RDH8: variants seen among roughly 807,000 people sequenced by gnomAD.
RDH8 encodes the protein photoreceptor outer segment all-trans retinol dehydrogenase.
Under a neutral mutation model 22.3 loss-of-function variants are expected in RDH8, and 14 were observed. That is an observed-to-expected ratio of 0.63 (90% CI 0.42 to 0.98). The LOEUF is 0.98. Ranked by LOEUF, RDH8 falls within the 50% of genes least tolerant of loss-of-function variation. The probability of loss-of-function intolerance (pLI) is 0.00; values close to 1 mark genes in which losing one functional copy is unlikely to be tolerated. For missense variants in RDH8, 389 were observed against 409.8 expected, an observed-to-expected ratio of 0.95 and a Z score of 0.44; for synonymous variants, 175 against 171.7, an observed-to-expected ratio of 1.02 and a Z score of -0.15.
intron 1 of RDH8, among the ~76,000 whole-genome samples, chr19:10,014,993 C>T (rs551740093): frequency 2.4e-4 from 36 of 152,288 alleles, no homozygotes; most frequent in Admixed American, 1.0e-3. Flanking sequence ...TGCAAGTGAC[C>T]CCATTCACGT....
intron 3 of RDH8, among the ~76,000 whole-genome samples, chr19:10,020,398 C>T (rs1292362884): frequency 1.4e-5 from 2 of 147,344 alleles, no homozygotes; most frequent in Non-Finnish European, 3.0e-5. Context: ...GACAAGGGCC[C>T]TAATGAAGAG....
intron 1 of RDH8, among the ~76,000 whole-genome samples, chr19:10,016,796 C>T (rs2087621327): frequency 6.6e-6 from 1 of 152,102 alleles, no homozygotes. Context: ...CATGCCATAG[C>T]CTCAGCACCT....
chr19:10,018,691 T>G (rs2087637227), intron 2 of RDH8, 40 bp from the exon 3 acceptor site: 20 of 1,500,776 alleles, frequency 1.3e-5, no homozygotes, highest in Non-Finnish European at 1.7e-5. Context: ...GCTAGAAGAG[T>G]GAGGGACTTT....
At chr19:10,019,205 C>T (rs1003096895) in intron 3 of RDH8, among the ~76,000 whole-genome samples, 3 of 151,336 alleles carry the variant, frequency 2.0e-5, no homozygotes, top group Admixed American at 6.6e-5. Flanking sequence ...GGCTGAGGCA[C>T]GAGAATTCCT....
intron 1 of RDH8, 89 bp from the exon 2 acceptor site, chr19:10,016,968 A>C: frequency 7.5e-7 from 1 of 1,340,010 alleles, no homozygotes; most frequent in Non-Finnish European, 9.8e-7. Context: ...TCTCTCTGTG[A>C]CTTGTAACGC....
intron 1 of RDH8, among the ~76,000 whole-genome samples, chr19:10,014,196 G>A (rs1421048548): frequency 6.6e-6 from 1 of 152,196 alleles, no homozygotes; most frequent in Admixed American, 6.5e-5. Context: ...TGACCCAGAG[G>A]GAGCATGCTG....
intron 3 of RDH8, among the ~76,000 whole-genome samples, 171 bp downstream of exon 3, chr19:10,019,081 G>A (rs567246756): frequency 1.3e-5 from 2 of 152,132 alleles, no homozygotes; most frequent in East Asian, 3.9e-4. Flanking sequence ...TGGATTGCCT[G>A]AGCTCAGGAG....
intron 1 of RDH8, 151 bp downstream of exon 1, chr19:10,013,751 C>A (rs1178470289): frequency 1.4e-5 from 11 of 794,244 alleles, no homozygotes; most frequent in Non-Finnish European, 2.0e-5. Context: ...AGAAATATTT[C>A]TTGAGCATCT....
rs373919082 is a variant in RDH8 at position 10,020,809 on chromosome 19, C to A, written c.536+7C>A. On this transcript the variant is annotated splice_region_variant and intron_variant, in intron 4 of 5. Transcript: ENST00000591589. ...TGCTGCAGTTCAACATCTTGTGAGG[C>A]GGGCACGTGGGCAGAGGGGGCTTGG... 1.2e-6 allele frequency: 2 copies of A among 1,600,452 alleles called. No homozygotes were observed. The highest frequency in any genetic ancestry group is 1.7e-5 in the Admixed American group (1 of 59,210).
At chr19:10,013,788 C>T (rs1019289097) in intron 1 of RDH8, among the ~76,000 whole-genome samples, 188 bp downstream of exon 1, 1 of 152,250 alleles carries the variant, frequency 6.6e-6, no homozygotes, top group Non-Finnish European at 1.5e-5. Flanking sequence ...GCTGGCAACA[C>T]AACTGGAGAT....
chr19:10,021,690 A>G lies in RDH8; in HGVS notation c.877A>G (p.Asn293Asp). The G allele has an allele frequency of 2.5e-6, 4 of 1,614,012 alleles. 1 individual carries two copies. The highest frequency in any genetic ancestry group is 1.6e-4 in the Middle Eastern group (1 of 6,062). Residue 293 changes from asparagine to aspartate, a missense_variant, in exon 6 of 6, where the codon AAC (asparagine) becomes GAC (aspartate). By Grantham distance (23) the Asn-to-Asp change is conservative. Coordinates refer to ENST00000591589, the MANE Select transcript of RDH8 (RefSeq NM_015725.4). Reference sequence around the variant, plus strand: ...CCTCTTCCGCTGTCCACGCCTCCTCAACCTTGGCCTTCAATGTCTGTCCTG... The same window carrying G: ...CCTCTTCCGCTGTCCACGCCTCCTCGACCTTGGCCTTCAATGTCTGTCCTG... ...RLLFRCPRLL[N>D]LGLQCLSCGC...
At chr19:10,019,347 A>G (rs1336468548) in intron 3 of RDH8, among the ~76,000 whole-genome samples, 2 of 152,106 alleles carry the variant, frequency 1.3e-5, no homozygotes, top group Admixed American at 1.3e-4. Context: ...AATTGTGTTC[A>G]GAAGGATTCT....
At chr19:10,017,961 T>C (rs1325693328) in intron 2 of RDH8, among the ~76,000 whole-genome samples, 1 of 151,926 alleles carries the variant, frequency 6.6e-6, no homozygotes, top group Non-Finnish European at 1.5e-5. Context: ...TCAATTTTTT[T>C]TGAGATGGAA....
chr19:10,020,340 A>AGGAGGGAGGGAGGGAGGGAGGGAGGGAG (rs1009228438), intron 3 of RDH8, among the ~76,000 whole-genome samples: 1 of 38,576 alleles, frequency 2.6e-5, no homozygotes, highest in Non-Finnish European at 4.6e-5. Flanking sequence ...GAAGGAAGGA[A>AGGAGGGAGGGAGGGAGGGAGGGAGGGAG]GGAGGGAGGG....
chr19:10,016,313 A>ATTT lies in RDH8; in HGVS notation c.104-731_104-729dup, dbSNP rs59119984. On this transcript the variant is annotated intron_variant, in intron 1 of 5. Transcript: ENST00000591589. ...AGGCGCCTGCCACCACGCCAGGCTA[A>ATTT]TTTTTTTTTTTTTTTGTATTTTTAG... is the stretch of plus-strand genomic sequence containing the variant. Among the ~76,000 whole-genome samples the ATTT allele has an allele frequency of 3.9e-3, 504 of 128,256 alleles. 14 individuals carry two copies. The highest frequency in any genetic ancestry group is 0.012 in the African/African-American group (392 of 34,022). The allele number at this position is 128,256 out of a possible 152,430, so 84.1% of individuals were successfully genotyped here.
At chr19:10,018,608 A>G (rs537654472) in intron 2 of RDH8, 123 bp from the exon 3 acceptor site, 1 of 705,050 alleles carries the variant, frequency 1.4e-6, no homozygotes, top group Admixed American at 2.6e-5. Flanking sequence ...ATATTTGTCC[A>G]CCCAAGATAC....
chr19:10,020,743 G>A lies in RDH8; in HGVS notation c.477G>A (p.Lys159=). The A allele has an allele frequency of 1.2e-6, 2 of 1,611,606 alleles. No homozygotes were observed. Among genetic ancestry groups the A allele is most frequent in the Non-Finnish European group, 1.7e-6 (2 of 1,178,770 alleles). The change falls in exon 4 of 6, where the codon AAG becomes AAA. Residue 159 remains lysine, a synonymous_variant. Transcript: ENST00000591589. ...VIFNDVYAAS[K]FALEGFFESL... is the part of the protein sequence containing the mutation. Reference sequence around the variant, plus strand: ...TCAACGATGTCTATGCAGCTTCCAAGTTCGCCCTGGAGGGATTCTTCGAAA... The same window carrying A: ...TCAACGATGTCTATGCAGCTTCCAAATTCGCCCTGGAGGGATTCTTCGAAA...
chr19:10,015,786 T>C (rs566948428), intron 1 of RDH8, among the ~76,000 whole-genome samples: 31 of 151,694 alleles, frequency 2.0e-4, no homozygotes, highest in African/African-American at 7.3e-4. Flanking sequence ...CTACTAAAAA[T>C]ACAAAAGATT....
chr19:10,019,206 G>A (rs765817536), intron 3 of RDH8, among the ~76,000 whole-genome samples: 4 of 152,060 alleles, frequency 2.6e-5, no homozygotes, highest in Non-Finnish European at 4.4e-5. Flanking sequence ...GCTGAGGCAC[G>A]AGAATTCCTT....
Sources: allele counts gnomAD v4.1 joint callset (sites outside exome capture counted in the v4.1 genomes callset), GRCh38; gene constraint gnomAD v4.1.1; transcripts MANE v1.5; gene names NCBI Gene and HGNC (gene_info 2026-07-23, HGNC 2026-07-21).